MYT1L: variants seen among roughly 807,000 people sequenced by gnomAD.
The protein encoded by MYT1L is myelin transcription factor 1-like protein.
Under a neutral mutation model 126.7 loss-of-function variants are expected in MYT1L, and 12 were observed. The observed-to-expected ratio is 0.09, with a 90% CI of 0.06 to 0.15. MYT1L has a LOEUF of 0.15. Among genes scored for constraint, MYT1L ranks in the 10% least tolerant of loss-of-function variants. The pLI, the probability that MYT1L is intolerant of heterozygous loss-of-function variation, is 1.00. For missense variants in MYT1L, 979 were observed against 1,585.2 expected (o/e 0.62, Z 6.49); for synonymous variants, 541 against 604.2 (o/e 0.90, Z 1.53).
chr2:1,861,920 TCCTGCAGCCTGTGTAATCCTGGATCTG>T (rs2044709272), intron 18 of MYT1L, among the ~76,000 whole-genome samples: 1 of 25,954 alleles, frequency 3.9e-5, no homozygotes, highest in African/African-American at 1.2e-4. Context: ...TCCTGGATCC[TCCTGCAGCCTGTGTAATCCTGGATCTG>T]CCTGCAGCCT....
chr2:1,858,369 G>A (rs1439990593), intron 18 of MYT1L, among the ~76,000 whole-genome samples: 1 of 152,010 alleles, frequency 6.6e-6, no homozygotes, highest in South Asian at 2.1e-4. Flanking sequence ...CTCTGCATCC[G>A]ACTGCTCCAC....
At chr2:1,892,506 CTTTT>C (rs5828877) in intron 14 of MYT1L, among the ~76,000 whole-genome samples, 12 of 134,246 alleles carry the variant, frequency 8.9e-5, no homozygotes, top group Non-Finnish European at 7.9e-5. Context: ...TTCCTTTTTC[CTTTT>C]TTTTTTTTTT....
intron 3 of MYT1L, among the ~76,000 whole-genome samples, chr2:2,117,832 C>T (rs2080423136): frequency 6.6e-6 from 1 of 151,914 alleles, no homozygotes; most frequent in Non-Finnish European, 1.5e-5. Context: ...GAGACAACCC[C>T]CAAAATAATG....
chr2:1,872,828 T>G (rs1309371601), intron 18 of MYT1L, among the ~76,000 whole-genome samples: 1 of 152,236 alleles, frequency 6.6e-6, no homozygotes, highest in Admixed American at 6.5e-5. Context: ...CACCACCAGG[T>G]GCTATTCTAA....
chr2:2,139,491 T>C (rs1479815224), intron 3 of MYT1L, among the ~76,000 whole-genome samples: 1 of 151,552 alleles, frequency 6.6e-6, no homozygotes, highest in Non-Finnish European at 1.5e-5. Context: ...ATACAAAAAT[T>C]AGCTGGGCGT....
chr2:2,114,761 A>T (rs1252261849), intron 3 of MYT1L, among the ~76,000 whole-genome samples: 1 of 152,194 alleles, frequency 6.6e-6, no homozygotes, highest in Admixed American at 6.5e-5. Flanking sequence ...CAGACCCAGG[A>T]TCTTCATAAA....
At chr2:1,891,403 T>C (rs1303580080) in intron 15 of MYT1L, among the ~76,000 whole-genome samples, 1 of 152,222 alleles carries the variant, frequency 6.6e-6, no homozygotes, top group African/African-American at 2.4e-5. Context: ...CTCCCAGGTC[T>C]GTGCTGCATC....
chr2:1,818,152 AAAT>A (rs567041600), intron 21 of MYT1L, among the ~76,000 whole-genome samples: 69 of 152,360 alleles, frequency 4.5e-4, no homozygotes, highest in African/African-American at 1.6e-3. Flanking sequence ...GGAAATAACT[AAAT>A]AAGTGAAACT....
intron 19 of MYT1L, among the ~76,000 whole-genome samples, chr2:1,849,100 G>T (rs551765708): frequency 4.6e-4 from 69 of 150,864 alleles, no homozygotes; most frequent in African/African-American, 1.7e-3. Context: ...TATGTAAAAT[G>T]AATAAAATGT....
At chr2:2,330,558 C>G (rs1273069511) in intron 1 of MYT1L, among the ~76,000 whole-genome samples, 1 of 152,140 alleles carries the variant, frequency 6.6e-6, no homozygotes, top group African/African-American at 2.4e-5. Context: ...TTCTTACCAT[C>G]AGGTAAATTC....
At chr2:1,823,335 C>T (rs958292801) in intron 21 of MYT1L, among the ~76,000 whole-genome samples, 7 of 152,320 alleles carry the variant, frequency 4.6e-5, no homozygotes, top group Admixed American at 4.6e-4. Context: ...GTTGTGGCTG[C>T]AACCTTCATT....
chr2:2,057,380 T>C (rs1267321096), intron 3 of MYT1L, among the ~76,000 whole-genome samples: 1 of 151,702 alleles, frequency 6.6e-6, no homozygotes, highest in Non-Finnish European at 1.5e-5. Flanking sequence ...AGTTCACTCC[T>C]TTCCCTTTCA....
intron 1 of MYT1L, among the ~76,000 whole-genome samples, chr2:2,295,777 G>T (rs1439169398): frequency 1.9e-4 from 24 of 129,712 alleles, no homozygotes; most frequent in African/African-American, 6.3e-4. Context: ...CAGAGAGAGA[G>T]ATAGAGAGAC....
chr2:2,066,019 C>T (rs559681580), intron 3 of MYT1L, among the ~76,000 whole-genome samples: 6 of 152,244 alleles, frequency 3.9e-5, no homozygotes, highest in East Asian at 1.9e-4. Context: ...TGCCTCATGA[C>T]GTTTTTCACA....
intron 3 of MYT1L, among the ~76,000 whole-genome samples, chr2:2,164,830 C>T (rs1209285960): frequency 6.6e-6 from 1 of 152,172 alleles, no homozygotes; most frequent in African/African-American, 2.4e-5. Flanking sequence ...GACTGCATTC[C>T]ATGTACACAA....
Position 1,847,632 on chromosome 2 carries a change from G to T in MYT1L, c.2774+4009C>A, listed in dbSNP as rs144594295. ...CTGGGGGGTCGGAAAAAAGAGCAAA[G>T]GGGTCTGGAAAACAGGATTTTGAGG... On this transcript the variant is annotated intron_variant, in intron 19 of 24. Transcript: ENST00000647738. Among the ~76,000 whole-genome samples, 258 of 152,268 alleles carry T rather than the reference G, an allele frequency of 1.7e-3. 4 individuals carry two copies. Among genetic ancestry groups the T allele is most frequent in the African/African-American group, 5.9e-3 (247 of 41,544 alleles).
Position 2,059,461 on chromosome 2 carries a change from G to A in MYT1L, c.-303-5338C>T, listed in dbSNP as rs1323110856. Among the ~76,000 whole-genome samples the A allele has an allele frequency of 6.6e-6, 1 of 152,016 alleles. No homozygotes were observed. Among genetic ancestry groups the A allele is most frequent in the Non-Finnish European group, 1.5e-5 (1 of 68,038 alleles). On this transcript the variant is annotated intron_variant, in intron 3 of 24. Coordinates refer to ENST00000647738, the MANE Select transcript of MYT1L (RefSeq NM_001303052.2). This position sits in a 1 kb window ranked among gnomAD's most constrained non-coding sequence, Gnocchi z 4.7. Reference sequence around the variant, plus strand: ...GGTCTCACTTTCCGTTTGTGTTGATGAGCAGAGCCCCCTGGAACCAGGTGC... The same window carrying A: ...GGTCTCACTTTCCGTTTGTGTTGATAAGCAGAGCCCCCTGGAACCAGGTGC...
intron 2 of MYT1L, among the ~76,000 whole-genome samples, chr2:2,262,938 T>TTATATATATATATATATATA (rs2095021239): frequency 2.6e-5 from 1 of 37,948 alleles, no homozygotes; most frequent in African/African-American, 1.2e-4. Flanking sequence ...ATATAACCTG[T>TTATATATATATATATATATA]GATATATATA....
chr2:2,046,094 G>A (rs956345505), intron 4 of MYT1L, among the ~76,000 whole-genome samples: 1 of 152,178 alleles, frequency 6.6e-6, no homozygotes, highest in African/African-American at 2.4e-5. Flanking sequence ...ATGCACATAT[G>A]CATGGCACAG....
Sources: gnomAD v4.1 joint callset for allele counts (sites outside exome capture counted in the v4.1 genomes callset) on GRCh38, gnomAD v4.1.1 for gene constraint, Gnocchi (gnomAD v3.1) non-coding constraint, MANE v1.5 for transcripts, NCBI Gene and HGNC (gene_info 2026-07-23, HGNC 2026-07-21) for gene names.